The following REV3L variants were observed in gnomAD, a reference collection of about 807,000 sequenced individuals.
REV3L encodes the protein DNA polymerase zeta catalytic subunit.
A neutral mutation model predicts 299.4 loss-of-function variants in REV3L; 69 were observed. That is an observed-to-expected ratio of 0.23 (90% confidence interval 0.19 to 0.28). REV3L has a LOEUF of 0.28. REV3L is among the 10% of genes least tolerant of loss of function. The probability of loss-of-function intolerance (pLI) is 1.00; values close to 1 mark genes in which losing one functional copy is unlikely to be tolerated. For synonymous variants in REV3L, 1,238 were observed against 1,271.4 expected, an observed-to-expected ratio of 0.97 and a Z score of 0.56; for missense variants, 3,128 against 3,693.8, an observed-to-expected ratio of 0.85 and a Z score of 3.97.
At chr6:111,381,952 T>C (rs1442818801) in intron 9 of REV3L, among the ~76,000 whole-genome samples, 1 of 152,230 alleles carries the variant, frequency 6.6e-6, no homozygotes, top group Non-Finnish European at 1.5e-5. Flanking sequence ...GGGGCGTGTG[T>C]TGGTTTTTCA....
intron 1 of REV3L, among the ~76,000 whole-genome samples, chr6:111,464,425 C>CA (rs1356240526): frequency 6.6e-6 from 1 of 152,066 alleles, no homozygotes; most frequent in African/African-American, 2.4e-5. Context: ...GGGACCTAAA[C>CA]AAACATTCAG....
intron 1 of REV3L, among the ~76,000 whole-genome samples, chr6:111,424,246 C>T (rs1211161040): frequency 6.6e-6 from 1 of 151,984 alleles, no homozygotes; most frequent in African/African-American, 2.4e-5. Context: ...ACCAGTGTTC[C>T]AAGGATCCAG....
At chr6:111,351,884 A>T in intron 18 of REV3L, 93 bp from the exon 19 acceptor site, 1 of 798,730 alleles carries the variant, frequency 1.3e-6, no homozygotes, top group Non-Finnish European at 2.0e-6. Flanking sequence ...GTATGAAAAC[A>T]AAAACCTATG....
intron 25 of REV3L, among the ~76,000 whole-genome samples, chr6:111,326,948 C>T (rs894511903): frequency 2.6e-5 from 4 of 152,136 alleles, no homozygotes; most frequent in Non-Finnish European, 2.9e-5. Flanking sequence ...TGTACTGTTG[C>T]GAAGTTAGCA....
chr6:111,458,546 C>G (rs969147915), intron 1 of REV3L, among the ~76,000 whole-genome samples: 2 of 152,088 alleles, frequency 1.3e-5, no homozygotes, highest in South Asian at 4.1e-4. Flanking sequence ...AAGACTCCAC[C>G]AAAAGGCTCC....
At chr6:111,327,364 G>A (rs1473676243) in intron 25 of REV3L, among the ~76,000 whole-genome samples, 3 of 152,058 alleles carry the variant, frequency 2.0e-5, no homozygotes, top group African/African-American at 4.8e-5. Flanking sequence ...AGACCAGCCT[G>A]GGCAGCAGGG....
intron 1 of REV3L, among the ~76,000 whole-genome samples, chr6:111,464,858 T>C (rs1030260572): frequency 6.6e-6 from 1 of 151,740 alleles, no homozygotes; most frequent in Non-Finnish European, 1.5e-5. Context: ...AAAAACTAGC[T>C]GGACATGGCA....
At chr6:111,475,619 T>A (rs926642735) in intron 1 of REV3L, among the ~76,000 whole-genome samples, 2 of 152,324 alleles carry the variant, frequency 1.3e-5, no homozygotes, top group East Asian at 3.9e-4. Flanking sequence ...TGTACATTTT[T>A]TCATATGAAT....
chr6:111,320,781 C>T (rs1218268326), intron 26 of REV3L, among the ~76,000 whole-genome samples: 1 of 152,112 alleles, frequency 6.6e-6, no homozygotes, highest in East Asian at 1.9e-4. Flanking sequence ...TCCCAAGCAG[C>T]TAGGAGTACA....
chr6:111,299,930 CGAT>C lies in REV3L; in HGVS notation c.*83_*85del, dbSNP rs1190439164. ...TAACAGACAGTGAACATCCTTGACT[CGAT>C]GAAAGTTAAAAAGCACCATGCACAA... is the stretch of plus-strand genomic sequence containing the variant. On this transcript the variant is annotated 3_prime_UTR_variant, in exon 32 of 32. Transcript: ENST00000368802. 29 of 1,313,394 alleles carry C rather than the reference CGAT, an allele frequency of 2.2e-5. No homozygotes were observed. The South Asian group carries it at 2.6e-4, about 12-fold the overall frequency. 81.4% of individuals were successfully genotyped at this position (1,313,394 alleles called of 1,614,324 possible).
At position 111,374,195 on chromosome 6, in the gene REV3L, T is replaced by C. The variant is rs1420779234; in HGVS notation, c.4160A>G (p.Asn1387Ser). 3 of 1,613,960 alleles carry C rather than the reference T, an allele frequency of 1.9e-6. No individual in the cohort carries two copies. The African/African-American group carries it at 4.0e-5, about 22-fold the overall frequency. The change falls in exon 13 of 32, where the codon AAT (asparagine) becomes AGT (serine). Residue 1387 changes from asparagine (N) to serine (S), a missense_variant. By Grantham distance (46) the Asn-to-Ser change is conservative. Coordinates refer to ENST00000368802, the MANE Select transcript of REV3L (RefSeq NM_001372078.1). The stretch of plus-strand genomic sequence containing the variant: ...TGACAAATAGTTTCTTTGTATATTA[T>C]TTGCATTATCTTCTATCTTTGAGGA... The part of the protein sequence containing the change: ...GMSSKIEDNA[N>S]NIQRNYLSSI...
rs532657290 is a variant in REV3L, at chr6:111,300,067, A to G, written c.9342T>C (p.Asn3114=). ...CPVLFKLSRV[N]RELSKAPYLR... is the part of the protein sequence containing the mutation. ...GATATGGTGCCTTGGACAATTCTCT[A>G]TTTACTCGGGAGAGTTTGAAAAGTA... Residue 3114 remains asparagine (N), a synonymous_variant, in exon 32 of 32, where the codon AAT becomes AAC. Coordinates refer to ENST00000368802, the MANE Select transcript of REV3L (RefSeq NM_001372078.1). The G allele has an allele frequency of 8.0e-5, 129 of 1,613,772 alleles. 2 individuals carry two copies. The South Asian group carries it at 1.4e-3, about 17-fold the overall frequency.
intron 13 of REV3L, among the ~76,000 whole-genome samples, chr6:111,371,714 C>T (rs2115056087): frequency 6.6e-6 from 1 of 152,278 alleles, no homozygotes; most frequent in South Asian, 2.1e-4. Context: ...CAGGCACCTG[C>T]CACCATGTCC....
intron 1 of REV3L, among the ~76,000 whole-genome samples, chr6:111,477,703 G>A (rs1278818051): frequency 6.6e-6 from 1 of 152,162 alleles, no homozygotes; most frequent in Non-Finnish European, 1.5e-5. Context: ...CACCATATAA[G>A]ACACAGAGTT....
intron 13 of REV3L, among the ~76,000 whole-genome samples, chr6:111,370,704 T>A (rs1028852020): frequency 9.2e-5 from 14 of 152,296 alleles, no homozygotes; most frequent in South Asian, 2.1e-4. Context: ...TAAACTTTTT[T>A]AAAAAGATAT....
intron 7 of REV3L, 135 bp downstream of exon 7, chr6:111,388,968 GACA>G (rs934443854): frequency 3.2e-5 from 20 of 618,678 alleles, no homozygotes; most frequent in African/African-American, 2.8e-4. Context: ...GTACAGCAAT[GACA>G]ACAAGAAAAA....
chr6:111,331,775 C>T lies in REV3L; in HGVS notation c.7935G>A (p.Glu2645=). 3.1e-6 allele frequency: 5 copies of T among 1,602,934 alleles called. No individual in the cohort carries two copies. The highest frequency in any genetic ancestry group is 4.3e-6 in the Non-Finnish European group (5 of 1,171,114). The change falls in exon 24 of 32, where the codon GAG becomes GAA. Residue 2645 remains glutamate (E), a synonymous_variant. Transcript: ENST00000368802. The part of the protein sequence containing the change: ...GHVENLGKYD[E]FKFGCTSLRV... ...TCAGAGAGGTACAGCCAAATTTGAA[C>T]TCATCATACCTGTTAAGAAAGAGAA...
At chr6:111,476,348 C>T (rs928968340) in intron 1 of REV3L, among the ~76,000 whole-genome samples, 13 of 152,006 alleles carry the variant, frequency 8.6e-5, no homozygotes, top group Non-Finnish European at 1.6e-4. Flanking sequence ...GTAGAGATAG[C>T]GTCTTTCCAT....
chr6:111,419,368 G>A lies in REV3L; in HGVS notation c.140-2896C>T, dbSNP rs564723527. ...AAGAGAAATGTGTAAAAATGAACAC[G>A]AGAGTCAACTGCTTTTTGGAAATAG... On this transcript the variant is annotated intron_variant, in intron 1 of 31. Coordinates refer to ENST00000368802, the MANE Select transcript of REV3L (RefSeq NM_001372078.1). 8.5e-5 allele frequency among the ~76,000 whole-genome samples: 13 copies of A among 152,318 alleles called. No individual in the cohort carries two copies. The East Asian group carries it at 2.3e-3, about 27-fold the overall frequency.
Sources: gnomAD v4.1 joint callset for allele counts (sites outside exome capture counted in the v4.1 genomes callset) on GRCh38, gnomAD v4.1.1 for gene constraint, MANE v1.5 for transcripts, NCBI Gene and HGNC (gene_info 2026-07-23, HGNC 2026-07-21) for gene names.